The following SPAG17 variants were observed in gnomAD, a reference collection of about 807,000 sequenced individuals.
SPAG17 encodes the protein sperm associated antigen 17.
A neutral mutation model predicts 273.6 loss-of-function variants in SPAG17; 169 were observed. That is an observed-to-expected ratio of 0.62 (90% CI 0.55 to 0.70). The LOEUF (loss-of-function observed/expected upper bound fraction) is 0.70. SPAG17 is among the 30% of genes least tolerant of loss of function. The pLI, the probability that SPAG17 is intolerant of heterozygous loss-of-function variation, is 0.00. For missense variants in SPAG17, 2,557 were observed against 2,627.8 expected (o/e 0.97, Z 0.59); for synonymous variants, 825 against 873.2 (o/e 0.94, Z 0.97).
chr1:117,975,769 A>G (rs1655061615), intron 43 of SPAG17, among the ~76,000 whole-genome samples: 1 of 152,248 alleles, frequency 6.6e-6, no homozygotes, highest in Non-Finnish European at 1.5e-5. Flanking sequence ...TTTGATCACT[A>G]TTCTCTGCAG....
intron 24 of SPAG17, among the ~76,000 whole-genome samples, chr1:118,035,028 A>C (rs1341533571): frequency 6.6e-6 from 1 of 152,158 alleles, no homozygotes; most frequent in Non-Finnish European, 1.5e-5. Flanking sequence ...AGCTGTGCCT[A>C]CCCAATTAAA....
At chr1:118,147,528 A>G (rs1378139930) in intron 3 of SPAG17, among the ~76,000 whole-genome samples, 1 of 152,202 alleles carries the variant, frequency 6.6e-6, no homozygotes, top group Non-Finnish European at 1.5e-5. Flanking sequence ...TAGTAGAGCA[A>G]AACATGCTTT....
intron 32 of SPAG17, among the ~76,000 whole-genome samples, chr1:117,997,566 T>TAAAAA (rs11428560): frequency 1.6e-5 from 2 of 123,332 alleles, no homozygotes; most frequent in Non-Finnish European, 3.5e-5. Context: ...GAATGAGAAG[T>TAAAAA]AAAAAAAAAA....
chr1:118,017,509 A>G (rs143176728), intron 28 of SPAG17, among the ~76,000 whole-genome samples: 76 of 152,278 alleles, frequency 5.0e-4, no homozygotes, highest in African/African-American at 1.8e-3. Flanking sequence ...AGGGGACTTT[A>G]GCAGTACGTT....
At chr1:117,955,111 G>A in intron 48 of SPAG17, 2 of 469,068 alleles carry the variant, frequency 4.3e-6, no homozygotes, top group Non-Finnish European at 7.5e-6. Flanking sequence ...AATCTGGCTT[G>A]ACTTGTAGCA....
At chr1:118,014,285 T>C (rs1200578919) in intron 29 of SPAG17, among the ~76,000 whole-genome samples, 1 of 152,232 alleles carries the variant, frequency 6.6e-6, no homozygotes, top group Non-Finnish European at 1.5e-5. Flanking sequence ...GCTCTTATTC[T>C]GTTGGGCATT....
intron 1 of SPAG17, among the ~76,000 whole-genome samples, chr1:118,180,970 T>C (rs1660911705): frequency 6.6e-6 from 1 of 152,076 alleles, no homozygotes; most frequent in Admixed American, 6.6e-5. Context: ...GTACATAGTA[T>C]ATAAAGATGT....
rs1654569963 is a variant in SPAG17 at position 118,081,528 on chromosome 1, C to T, written c.1877G>A (p.Gly626Glu). 3 of 1,613,824 alleles carry T rather than the reference C, an allele frequency of 1.9e-6. No homozygotes were observed. Among genetic ancestry groups the T allele is most frequent in the Non-Finnish European group, 2.5e-6 (3 of 1,179,974 alleles). The change falls in exon 14 of 49, where the codon GGG (glycine) becomes GAG (glutamate). Residue 626 changes from glycine to glutamate, a missense_variant. Gly to Glu is a moderately conservative substitution (Grantham distance 98). Transcript: ENST00000336338. The stretch of plus-strand genomic sequence containing the variant: ...TATGTTGAACATTTCAGAATCTGAC[C>T]CACACATCATCCCAGAAGGTTTCAG... Reference protein sequence around the residue: ...GKLKPSGMMCGSDSEMFNIPW... With the variant: ...GKLKPSGMMCESDSEMFNIPW...
At chr1:117,988,527 C>T (rs763103958) in intron 38 of SPAG17, among the ~76,000 whole-genome samples, 3 of 152,084 alleles carry the variant, frequency 2.0e-5, no homozygotes, top group Non-Finnish European at 4.4e-5. Flanking sequence ...ACAAATTAAC[C>T]ATAACATTGA....
At chr1:118,099,496 T>C in intron 6 of SPAG17, 110 bp downstream of exon 6, 1 of 1,077,698 alleles carries the variant, frequency 9.3e-7, no homozygotes, top group Non-Finnish European at 1.4e-6. Flanking sequence ...TGAAAAGATT[T>C]AATAATGTAC....
At position 118,039,379 on chromosome 1, in the gene SPAG17, G is replaced by A. The variant is rs747760230; in HGVS notation, c.3232C>T (p.Pro1078Ser). The A allele has an allele frequency of 2.5e-5, 41 of 1,612,972 alleles. No individual in the cohort carries two copies. The highest frequency in any genetic ancestry group is 3.5e-5 in the Non-Finnish European group (41 of 1,179,490). ...TCTTCCTTTTTCACAATTTCCTTAG[G>A]GTCATTTAAATGAATCATAAAATTG... ...NHNFMIHLND[P>S]KEIVKKEEKG... The change falls in exon 23 of 49, where the codon CCT becomes TCT. Residue 1078 changes from proline (P) to serine (S), a missense_variant. Physicochemically the swap from Pro to Ser is moderately conservative, Grantham distance 74 (BLOSUM62 -1). Transcript: ENST00000336338.
intron 4 of SPAG17, among the ~76,000 whole-genome samples, chr1:118,114,938 T>C (rs894070663): frequency 1.3e-5 from 2 of 152,184 alleles, no homozygotes; most frequent in African/African-American, 4.8e-5. Flanking sequence ...CTATCTTAAA[T>C]AGTTAGACCC....
Position 117,996,422 on chromosome 1 carries a change from T to A in SPAG17, c.5001A>T (p.Ala1667=). ...DSDIEEYLSL[A]YKESNTVVLQ... Reference sequence around the variant, plus strand: ...GAACAACAGTATTTGATTCTTTATATGCCAAAGATAGATATTCTTCTATGT... The same window carrying A: ...GAACAACAGTATTTGATTCTTTATAAGCCAAAGATAGATATTCTTCTATGT... Residue 1667 remains alanine (A), a synonymous_variant, in exon 34 of 49, where the codon GCA becomes GCT. Transcript: ENST00000336338. The A allele has an allele frequency of 6.2e-7, 1 of 1,613,130 alleles. No homozygotes were observed. The highest frequency in any genetic ancestry group is 8.5e-7 in the Non-Finnish European group (1 of 1,179,418).
chr1:118,025,119 G>T, intron 27 of SPAG17, 119 bp downstream of exon 27: 1 of 728,684 alleles, frequency 1.4e-6, no homozygotes, highest in Non-Finnish European at 2.2e-6. Context: ...GTCATTTGAA[G>T]GTGTCATTCC....
intron 29 of SPAG17, among the ~76,000 whole-genome samples, chr1:118,013,937 C>T (rs988212669): frequency 2.0e-5 from 3 of 152,180 alleles, no homozygotes; most frequent in Admixed American, 1.3e-4. Flanking sequence ...AAAAGTTATA[C>T]ATCTGGTAAG....
chr1:117,981,194 T>G, intron 43 of SPAG17, 76 bp downstream of exon 43: 1 of 1,451,190 alleles, frequency 6.9e-7, no homozygotes, highest in Non-Finnish European at 9.1e-7. Flanking sequence ...CCTCGCCTCC[T>G]AGCGCCATCT....
chr1:118,104,880 T>C (rs1338607582), intron 4 of SPAG17, among the ~76,000 whole-genome samples: 1 of 152,100 alleles, frequency 6.6e-6, no homozygotes, highest in Non-Finnish European at 1.5e-5. Context: ...AGTTGTTCAG[T>C]GGGTGAGTGG....
intron 48 of SPAG17, chr1:117,963,207 G>A (rs1320784060): frequency 3.3e-5 from 5 of 152,102 alleles, no homozygotes. Context: ...TATGGGGTCG[G>A]ACCTAGTGAC....
chr1:118,080,054 G>A (rs746070270), intron 15 of SPAG17, among the ~76,000 whole-genome samples: 5 of 152,092 alleles, frequency 3.3e-5, no homozygotes, highest in Admixed American at 2.6e-4. Flanking sequence ...ATGCCATAAC[G>A]AGAGTGTAGA....
Sources: gnomAD v4.1 joint callset for allele counts (sites outside exome capture counted in the v4.1 genomes callset) on GRCh38, gnomAD v4.1.1 for gene constraint, MANE v1.5 for transcripts, NCBI Gene and HGNC (gene_info 2026-07-23, HGNC 2026-07-21) for gene names.